ATP6V0A4: variants seen among roughly 807,000 people sequenced by gnomAD.
ATP6V0A4 encodes V-type proton ATPase 116 kDa subunit a 4.
In ATP6V0A4, 86 loss-of-function variants were observed where a neutral mutation model predicts 107.3. The observed-to-expected ratio is 0.80, with a 90% confidence interval of 0.67 to 0.96. ATP6V0A4 has a LOEUF of 0.96. Among genes scored for constraint, ATP6V0A4 ranks in the 40% least tolerant of loss-of-function variants. The probability of loss-of-function intolerance (pLI) is 0.00; values close to 1 mark genes in which losing one functional copy is unlikely to be tolerated. For missense variants in ATP6V0A4, 908 were observed against 1,045.6 expected (o/e 0.87, Z 1.81); for synonymous variants, 353 against 381.4 (o/e 0.93, Z 0.87).
rs1205264414 is a variant in ATP6V0A4 at position 138,771,166 on chromosome 7, C to G, written c.82G>C (p.Glu28Gln). 6.2e-7 allele frequency: 1 copy of G among 1,614,194 alleles called. No individual in the cohort carries two copies. Among genetic ancestry groups the G allele is most frequent in the South Asian group, 1.1e-5 (1 of 91,082 alleles). ...QVEAAYCCVAELGELGLVQFK... is the reference protein window; with the variant it reads ...QVEAAYCCVAQLGELGLVQFK... ...TGAACCAATCCGAGCTCTCCGAGCT[C>G]AGCCACACAGCAATATGCAGCTTCC... The change falls in exon 3 of 22, where the codon GAG becomes CAG. Residue 28 changes from glutamate (E) to glutamine (Q), a missense_variant. Physicochemically the swap from Glu to Gln is conservative, Grantham distance 29 (BLOSUM62 2). Transcript: ENST00000310018.
intron 15 of ATP6V0A4, among the ~76,000 whole-genome samples, chr7:138,735,503 C>T (rs964356850): frequency 3.9e-5 from 6 of 152,240 alleles, no homozygotes; most frequent in Non-Finnish European, 5.9e-5. Flanking sequence ...CACACACACA[C>T]GTGCTCACAC....
chr7:138,722,111 A>G, intron 18 of ATP6V0A4, 86 bp from the exon 19 acceptor site: 1 of 1,567,144 alleles, frequency 6.4e-7, no homozygotes, highest in Non-Finnish European at 8.6e-7. Context: ...GCTCTCCTCA[A>G]ATACTACCTA....
intron 2 of ATP6V0A4, among the ~76,000 whole-genome samples, chr7:138,778,176 C>A (rs1807755229): frequency 6.6e-6 from 1 of 152,118 alleles, no homozygotes; most frequent in Admixed American, 6.5e-5. Flanking sequence ...GAATTCGAGA[C>A]AAGCCTGGCC....
intron 2 of ATP6V0A4, among the ~76,000 whole-genome samples, chr7:138,777,010 G>A (rs1043240697): frequency 6.6e-6 from 1 of 152,006 alleles, no homozygotes; most frequent in Non-Finnish European, 1.5e-5. Context: ...TTAGCCAGGT[G>A]TGGTGGCGTG....
chr7:138,755,747 G>T lies in ATP6V0A4; in HGVS notation c.758C>A (p.Ala253Glu), dbSNP rs753832938. ...CTCCAACATCTCTCTGCGCTCCACCGCAGGCTCTGGGCAAGGGTAGACAGT... is the reference window on the plus strand; with the variant it reads ...CTCCAACATCTCTCTGCGCTCCACCTCAGGCTCTGGGCAAGGGTAGACAGT... Reference protein sequence around the residue: ...RATVYPCPEPAVERREMLESV... With the variant: ...RATVYPCPEPEVERREMLESV... The change falls in exon 10 of 22, where the codon GCG becomes GAG. Residue 253 changes from alanine to glutamate, a missense_variant. Ala to Glu is a moderately radical substitution (Grantham distance 107, BLOSUM62 -1). Coordinates refer to ENST00000310018, the MANE Select transcript of ATP6V0A4 (RefSeq NM_020632.3). 1 of 1,613,676 alleles carries T rather than the reference G, an allele frequency of 6.2e-7. No individual in the cohort carries two copies. Among genetic ancestry groups the T allele is most frequent in the Non-Finnish European group, 8.5e-7 (1 of 1,180,010 alleles).
chr7:138,781,422 C>T (rs748542495), intron 2 of ATP6V0A4, among the ~76,000 whole-genome samples: 6 of 152,050 alleles, frequency 3.9e-5, no homozygotes, highest in Non-Finnish European at 8.8e-5. Context: ...CCTCCACCTC[C>T]TGGGTTCAAA....
At chr7:138,777,444 A>C (rs1411212663) in intron 2 of ATP6V0A4, among the ~76,000 whole-genome samples, 1 of 151,582 alleles carries the variant, frequency 6.6e-6, no homozygotes, top group African/African-American at 2.4e-5. Flanking sequence ...GTGAAACCCC[A>C]TCTCTACTAA....
At chr7:138,763,925 A>C (rs1806954624) in intron 5 of ATP6V0A4, among the ~76,000 whole-genome samples, 1 of 149,654 alleles carries the variant, frequency 6.7e-6, no homozygotes, top group Non-Finnish European at 1.5e-5. Context: ...GCACCACTGC[A>C]CTCCCACCTG....
intron 12 of ATP6V0A4, among the ~76,000 whole-genome samples, chr7:138,747,964 C>T (rs558295040): frequency 2.0e-5 from 3 of 152,028 alleles, no homozygotes; most frequent in South Asian, 2.1e-4. Context: ...CTATATTGCC[C>T]GGGCTGGTCT....
chr7:138,731,239 C>G (rs568722051), intron 17 of ATP6V0A4, among the ~76,000 whole-genome samples: 4 of 152,050 alleles, frequency 2.6e-5, no homozygotes, highest in Admixed American at 2.6e-4. Flanking sequence ...CCAGCCTTTT[C>G]TTTTTCTTAT....
intron 1 of ATP6V0A4, among the ~76,000 whole-genome samples, chr7:138,794,267 C>T (rs1808552776): frequency 1.3e-5 from 2 of 152,122 alleles, no homozygotes; most frequent in South Asian, 4.1e-4. Flanking sequence ...GTTAGGGCCA[C>T]AATTCTCCTC....
At chr7:138,792,711 A>G (rs1404502863) in intron 1 of ATP6V0A4, among the ~76,000 whole-genome samples, 1 of 149,158 alleles carries the variant, frequency 6.7e-6, no homozygotes, top group Non-Finnish European at 1.5e-5. Context: ...CAATCCTCCT[A>G]TCTCAGCCTC....
chr7:138,723,556 T>G (rs1804549764), intron 18 of ATP6V0A4, among the ~76,000 whole-genome samples: 1 of 150,076 alleles, frequency 6.7e-6, no homozygotes, highest in Non-Finnish European at 1.5e-5. Context: ...GAAGGAATTT[T>G]GCTCCTTCGC....
intron 2 of ATP6V0A4, among the ~76,000 whole-genome samples, chr7:138,784,458 A>T (rs1206625679): frequency 2.0e-5 from 3 of 150,980 alleles, no homozygotes; most frequent in Non-Finnish European, 4.4e-5. Flanking sequence ...AGCTGGGACT[A>T]CAGACACCCA....
chr7:138,716,618 C>T (rs1440299138), intron 19 of ATP6V0A4, among the ~76,000 whole-genome samples: 2 of 151,710 alleles, frequency 1.3e-5, no homozygotes, highest in Non-Finnish European at 2.9e-5. Flanking sequence ...GGCTGGAATG[C>T]AGTAGCACAA....
At chr7:138,743,903 G>T (rs1253138850) in intron 14 of ATP6V0A4, among the ~76,000 whole-genome samples, 2 of 152,126 alleles carry the variant, frequency 1.3e-5, no homozygotes, top group African/African-American at 2.4e-5. Flanking sequence ...ATTTCTATTT[G>T]TTCACTTCAC....
chr7:138,751,575 C>T (rs558779923), intron 11 of ATP6V0A4, among the ~76,000 whole-genome samples: 1 of 151,492 alleles, frequency 6.6e-6, no homozygotes, highest in Admixed American at 6.6e-5. Context: ...TCATTAGTCA[C>T]GGACATGCCT....
rs767750902 is a variant in ATP6V0A4 at position 138,798,081 on chromosome 7, C to G, written c.-168G>C. The G allele has an allele frequency of 6.3e-7, 1 of 1,584,058 alleles. No homozygotes were observed. The highest frequency in any genetic ancestry group is 2.3e-5 in the East Asian group (1 of 43,204). On this transcript the variant is annotated 5_prime_UTR_variant, in exon 1 of 22. Coordinates refer to ENST00000310018, the MANE Select transcript of ATP6V0A4 (RefSeq NM_020632.3). Reference sequence around the variant, plus strand: ...CTCCGCAGGACCGGCTCACCTGCACCGGGCACTCAGCACAGCCTCCAGCAT... The same window carrying G: ...CTCCGCAGGACCGGCTCACCTGCACGGGGCACTCAGCACAGCCTCCAGCAT...
intron 19 of ATP6V0A4, among the ~76,000 whole-genome samples, chr7:138,718,116 CGGATGT>C (rs1804167673): frequency 1.3e-5 from 1 of 75,216 alleles, no homozygotes; most frequent in Non-Finnish European, 2.5e-5. Flanking sequence ...GGTGCAGTCA[CGGATGT>C]CTGCAGAGGG....
Sources: gnomAD v4.1 joint callset for allele counts (sites outside exome capture counted in the v4.1 genomes callset) on GRCh38, gnomAD v4.1.1 for gene constraint, MANE v1.5 for transcripts, NCBI Gene and HGNC (gene_info 2026-07-23, HGNC 2026-07-21) for gene names.